Variants in RIMS2 observed in about 807,000 individuals in gnomAD.
RIMS2 encodes regulating synaptic membrane exocytosis 2.
Under a neutral mutation model 174.4 loss-of-function variants are expected in RIMS2, and 59 were observed. The ratio of observed to expected loss-of-function variants is 0.34; its 90% CI spans 0.27 to 0.42. The LOEUF is 0.42. Ranked by LOEUF, RIMS2 falls within the 10% of genes least tolerant of loss-of-function variation. The probability of loss-of-function intolerance (pLI) is 1.00; values close to 1 mark genes in which losing one functional copy is unlikely to be tolerated. For synonymous variants in RIMS2, 606 were observed against 572.5 expected (o/e 1.06, Z -0.84); for missense variants, 1,620 against 1,666.3 (o/e 0.97, Z 0.48).
chr8:104,154,928 CT>C (rs2098712070), intron 19 of RIMS2, among the ~76,000 whole-genome samples: 1 of 151,522 alleles, frequency 6.6e-6, no homozygotes. Context: ...ACATGATACA[CT>C]TCCCTGGGGA....
chr8:103,630,727 T>C (rs755494324), intron 1 of RIMS2, among the ~76,000 whole-genome samples: 9 of 151,380 alleles, frequency 5.9e-5, no homozygotes, highest in South Asian at 2.1e-4. Flanking sequence ...AAAAACAGTA[T>C]AGATAAAATA....
intron 1 of RIMS2, among the ~76,000 whole-genome samples, chr8:103,536,424 G>T (rs1839784647): frequency 6.6e-6 from 1 of 152,118 alleles, no homozygotes; most frequent in Admixed American, 6.6e-5. Context: ...ATGTACATTG[G>T]TCACTGTATC....
intron 19 of RIMS2, among the ~76,000 whole-genome samples, chr8:104,232,240 T>C (rs1473767813): frequency 6.6e-6 from 1 of 152,204 alleles, no homozygotes; most frequent in East Asian, 1.9e-4. Context: ...AAAGAAGCTA[T>C]TAGATCTGAA....
chr8:104,195,346 AAGTG>A (rs1287819022), intron 19 of RIMS2, among the ~76,000 whole-genome samples: 1 of 152,158 alleles, frequency 6.6e-6, no homozygotes, highest in Non-Finnish European at 1.5e-5. Flanking sequence ...GTCACTGACT[AAGTG>A]AGAGAACACA....
chr8:103,927,327 T>C (rs2078965916), intron 10 of RIMS2, among the ~76,000 whole-genome samples: 1 of 151,494 alleles, frequency 6.6e-6, no homozygotes, highest in African/African-American at 2.4e-5. Flanking sequence ...TTTTAAGAAA[T>C]TCTAAAGCCA....
At chr8:103,738,345 A>C (rs12680654) in intron 2 of RIMS2, among the ~76,000 whole-genome samples, 22,841 of 152,068 alleles carry the variant, frequency 0.15, 1,791 homozygotes, top group Middle Eastern at 0.24. Flanking sequence ...AAAGCTGAAA[A>C]TGGATCCCTT....
At chr8:104,039,450 A>G (rs1485965098) in intron 19 of RIMS2, among the ~76,000 whole-genome samples, 2 of 151,808 alleles carry the variant, frequency 1.3e-5, no homozygotes, top group Non-Finnish European at 3.0e-5. Context: ...TCCACATAAT[A>G]TGAAAACCAT....
chr8:103,781,793 G>C (rs575903930), intron 3 of RIMS2, among the ~76,000 whole-genome samples: 15 of 138,012 alleles, frequency 1.1e-4, no homozygotes, highest in African/African-American at 4.1e-4. Flanking sequence ...TGTCATGCAG[G>C]CTGGAGTGCA....
intron 1 of RIMS2, among the ~76,000 whole-genome samples, 180 bp downstream of exon 1, chr8:103,501,242 G>A (rs1819635586): frequency 6.6e-6 from 1 of 152,064 alleles, no homozygotes; most frequent in Non-Finnish European, 1.5e-5. Flanking sequence ...GAGAGCAGGG[G>A]TGTGTGTCGG....
Position 103,843,286 on chromosome 8 carries a change from G to T in RIMS2, c.699-42012G>T, listed in dbSNP as rs78958070. On this transcript the variant is annotated intron_variant, in intron 3 of 23. Coordinates refer to ENST00000504942, the Ensembl canonical transcript of RIMS2. ...ATTTCATTGTTCTTGATTTCTTTTTGGTTTTAAAGAGACAGGGTGTTGCTA... is the reference window on the plus strand; with the variant it reads ...ATTTCATTGTTCTTGATTTCTTTTTTGTTTTAAAGAGACAGGGTGTTGCTA... Among the ~76,000 whole-genome samples, 1,112 of 152,104 alleles carry T rather than the reference G, an allele frequency of 7.3e-3. 11 individuals are homozygous for T. Among genetic ancestry groups the T allele is most frequent in the African/African-American group, 0.024 (1,010 of 41,498 alleles).
At chr8:103,842,936 G>A (rs78912911) in intron 3 of RIMS2, among the ~76,000 whole-genome samples, 1,573 of 152,192 alleles carry the variant, frequency 0.01, 29 homozygotes, top group African/African-American at 0.036. Flanking sequence ...CTGCCTTCTC[G>A]CTGTGTCTTC....
At chr8:103,593,981 A>G (rs899497145) in intron 1 of RIMS2, among the ~76,000 whole-genome samples, 2 of 151,640 alleles carry the variant, frequency 1.3e-5, no homozygotes, top group African/African-American at 2.4e-5. Flanking sequence ...GGAAAGACAT[A>G]GTATTTTAGA....
chr8:104,110,671 T>C (rs2098165139), intron 19 of RIMS2, among the ~76,000 whole-genome samples: 1 of 152,160 alleles, frequency 6.6e-6, no homozygotes, highest in Non-Finnish European at 1.5e-5. Flanking sequence ...TACTTAGAAA[T>C]ATAAAATTGA....
At chr8:103,813,071 T>C (rs980906264) in intron 3 of RIMS2, among the ~76,000 whole-genome samples, 4 of 152,166 alleles carry the variant, frequency 2.6e-5, no homozygotes, top group Non-Finnish European at 5.9e-5. Flanking sequence ...ATGATACATA[T>C]TGTGTATCTT....
At chr8:103,768,290 G>T in intron 3 of RIMS2, 1 of 610,732 alleles carries the variant, frequency 1.6e-6, no homozygotes, top group East Asian at 3.0e-5. Context: ...GATGAAGCTG[G>T]ACATCTCTTT....
intron 3 of RIMS2, among the ~76,000 whole-genome samples, chr8:103,790,760 A>T (rs1290573834): frequency 6.6e-6 from 1 of 152,188 alleles, no homozygotes; most frequent in African/African-American, 2.4e-5. Context: ...GGTTATATTT[A>T]AAAGGCCCTT....
intron 19 of RIMS2, among the ~76,000 whole-genome samples, 156 bp downstream of exon 25, chr8:104,149,004 AATG>A (rs2098668024): frequency 6.6e-6 from 1 of 152,196 alleles, no homozygotes; most frequent in Non-Finnish European, 1.5e-5. Flanking sequence ...TGAAATCAAC[AATG>A]ATGTTTTTTC....
intron 19 of RIMS2, among the ~76,000 whole-genome samples, chr8:104,126,968 GGCTA>G (rs1769085895): frequency 6.6e-6 from 1 of 152,066 alleles, no homozygotes; most frequent in African/African-American, 2.4e-5. Context: ...GCTACCCTAA[GGCTA>G]GTGCCCATTC....
At chr8:104,026,650 G>GA (rs1464458803) in intron 19 of RIMS2, among the ~76,000 whole-genome samples, 5 of 152,086 alleles carry the variant, frequency 3.3e-5, no homozygotes, top group African/African-American at 1.2e-4. Context: ...AGGAGAGGGG[G>GA]AAAAATAAAA....
Sources: allele counts gnomAD v4.1 joint callset (sites outside exome capture counted in the v4.1 genomes callset), GRCh38; gene constraint gnomAD v4.1.1; transcripts MANE v1.5; gene names NCBI Gene and HGNC (gene_info 2026-07-23, HGNC 2026-07-21).